PDXK: variants seen among roughly 807,000 people sequenced by gnomAD.
PDXK encodes the protein pyridoxal kinase.
In PDXK, 15 loss-of-function variants were observed where a neutral mutation model predicts 43.2. The observed-to-expected ratio is 0.35, with a 90% CI of 0.23 to 0.53. The LOEUF is 0.53. Ranked by LOEUF, PDXK falls within the 20% of genes least tolerant of loss-of-function variation. The pLI is 0.92. For missense variants in PDXK, 343 were observed against 417.0 expected (o/e 0.82, Z 1.54); for synonymous variants, 172 against 165.4 (o/e 1.04, Z -0.31).
chr21:43,719,365 C>T lies in PDXK; in HGVS notation c.71C>T (p.Ala24Val). The T allele has an allele frequency of 6.6e-7, 1 of 1,524,672 alleles. No homozygotes were observed. The highest frequency in any genetic ancestry group is 8.8e-7 in the Non-Finnish European group (1 of 1,137,140). The allele number at this position is 1,524,672 out of a possible 1,614,324, so 94.4% of individuals were successfully genotyped here. Reference protein sequence around the residue: ...VIRGYVGNRAATFPLQVLGFE... With the variant: ...VIRGYVGNRAVTFPLQVLGFE... ...CGCGGCTACGTGGGCAACCGGGCGG[C>T]CACGTTCCCGCTGCAGGTACGCATC... The change falls in exon 1 of 11, where the codon GCC (alanine) becomes GTC (valine). Residue 24 changes from alanine (A) to valine (V), a missense_variant. By Grantham distance (64) the Ala-to-Val change is moderately conservative (BLOSUM62 0). Coordinates refer to ENST00000291565, the MANE Select transcript of PDXK (RefSeq NM_003681.5).
chr21:43,740,565 C>A (rs1459617522), intron 2 of PDXK, among the ~76,000 whole-genome samples: 1 of 151,964 alleles, frequency 6.6e-6, no homozygotes, highest in East Asian at 1.9e-4. Flanking sequence ...GGATGGCTGC[C>A]CCCTGAGCAG....
Position 43,737,922 on chromosome 21 carries a change from C to T in PDXK, c.143-3745C>T. Reference sequence around the variant, plus strand: ...GGTTCTTGTGGGCTCTGGGCCCATCCCACATCCCACAGTGGGCAGGAGGCC... The same window carrying T: ...GGTTCTTGTGGGCTCTGGGCCCATCTCACATCCCACAGTGGGCAGGAGGCC... On this transcript the variant is annotated intron_variant, in intron 2 of 10. Transcript: ENST00000291565. The surrounding 1 kb of genome is among the most constrained non-coding windows in gnomAD (Gnocchi z 4.8). 1.0e-6 allele frequency: 1 copy of T among 985,512 alleles called. No individual in the cohort carries two copies. The highest frequency in any genetic ancestry group is 1.2e-6 in the Non-Finnish European group (1 of 829,958). 61.0% of individuals were successfully genotyped at this position (985,512 alleles called of 1,614,324 possible).
In PDXK at chr21:43,719,372, C is replaced by T; in HGVS notation, c.78C>T (p.Phe26=). The change falls in exon 1 of 11, where the codon TTC becomes TTT. Residue 26 remains phenylalanine (F), a synonymous_variant. Coordinates refer to ENST00000291565, the MANE Select transcript of PDXK (RefSeq NM_003681.5). ...RGYVGNRAAT[F]PLQVLGFEID... Reference sequence around the variant, plus strand: ...ACGTGGGCAACCGGGCGGCCACGTTCCCGCTGCAGGTACGCATCCGCCCGC... The same window carrying T: ...ACGTGGGCAACCGGGCGGCCACGTTTCCGCTGCAGGTACGCATCCGCCCGC... 2 of 1,523,862 alleles carry T rather than the reference C, an allele frequency of 1.3e-6. No individual in the cohort carries two copies. The highest frequency in any genetic ancestry group is 1.2e-5 in the South Asian group (1 of 81,748). 94.4% of individuals were successfully genotyped at this position (1,523,862 alleles called of 1,614,324 possible).
intron 4 of PDXK, chr21:43,745,687 C>G (rs1189175852): frequency 1.1e-5 from 2 of 189,950 alleles, no homozygotes; most frequent in African/African-American, 4.6e-5. Flanking sequence ...TTCAACTTGG[C>G]AGCTTAAAAA....
Position 43,719,260 on chromosome 21 carries a change from C to A in PDXK, c.-35C>A, listed in dbSNP as rs766015830. 1.0e-5 allele frequency: 13 copies of A among 1,301,284 alleles called. No homozygotes were observed. The highest frequency in any genetic ancestry group is 3.2e-5 in the Admixed American group (1 of 31,436). 80.6% of individuals were successfully genotyped at this position (1,301,284 alleles called of 1,614,324 possible). On this transcript the variant is annotated 5_prime_UTR_variant, in exon 1 of 11. Coordinates refer to ENST00000291565, the MANE Select transcript of PDXK (RefSeq NM_003681.5). ...GAGCGAGCGGCGGAGACCGTGCCCC[C>A]GCCTCGGCCCCGCGCCGCCGCGGCC...
chr21:43,751,208 G>T (rs958880796), intron 7 of PDXK, among the ~76,000 whole-genome samples: 2 of 152,210 alleles, frequency 1.3e-5, no homozygotes, highest in African/African-American at 4.8e-5. Context: ...ATCTTAGTCT[G>T]TTGGGGCTGC....
intron 1 of PDXK, among the ~76,000 whole-genome samples, chr21:43,725,297 C>CTG (rs2083242778): frequency 2.0e-5 from 3 of 151,958 alleles, no homozygotes; most frequent in Non-Finnish European, 2.9e-5. Flanking sequence ...CACTCCAGCA[C>CTG]GGGCGACAGA....
chr21:43,739,556 G>A (rs1052343850), intron 2 of PDXK, among the ~76,000 whole-genome samples: 1 of 147,658 alleles, frequency 6.8e-6, no homozygotes, highest in African/African-American at 2.4e-5. Context: ...TCACATTGGC[G>A]GCAGGAAGGA....
At chr21:43,721,100 C>G (rs1270989310) in intron 1 of PDXK, among the ~76,000 whole-genome samples, 1 of 152,208 alleles carries the variant, frequency 6.6e-6, no homozygotes, top group Non-Finnish European at 1.5e-5. Flanking sequence ...CATTTTGCTC[C>G]CATACCCCGA....
chr21:43,729,394 A>G (rs2083289726), intron 1 of PDXK, among the ~76,000 whole-genome samples: 1 of 152,140 alleles, frequency 6.6e-6, no homozygotes, highest in Non-Finnish European at 1.5e-5. Context: ...CTGAGCTGAG[A>G]GAGGGGAGTT....
chr21:43,743,763 A>T lies in PDXK; in HGVS notation c.287A>T (p.Asp96Val). The change falls in exon 4 of 11, where the codon GAC becomes GTC. Residue 96 changes from aspartate to valine, a missense_variant. Transcript: ENST00000291565. ...RDKSFLAMVV[D>V]IVQELKQQNP... ...AAGTCGTTCCTGGCCATGGTGGTGGACATTGTGCAGGAGCTGAAGCAGCAG... is the reference window on the plus strand; with the variant it reads ...AAGTCGTTCCTGGCCATGGTGGTGGTCATTGTGCAGGAGCTGAAGCAGCAG... The T allele has an allele frequency of 6.2e-7, 1 of 1,613,834 alleles. No individual in the cohort carries two copies. Among genetic ancestry groups the T allele is most frequent in the Non-Finnish European group, 8.5e-7 (1 of 1,179,830 alleles).
At chr21:43,751,948 C>G (rs1165091479) in intron 7 of PDXK, among the ~76,000 whole-genome samples, 5 of 152,196 alleles carry the variant, frequency 3.3e-5, no homozygotes, top group Non-Finnish European at 7.4e-5. Context: ...AACCCAGGAG[C>G]CTGGTCCTGA....
intron 1 of PDXK, among the ~76,000 whole-genome samples, chr21:43,725,444 C>T (rs2083244511): frequency 6.6e-6 from 1 of 152,132 alleles, no homozygotes; most frequent in African/African-American, 2.4e-5. Context: ...AGAATACCAC[C>T]CTGCCTTTTA....
chr21:43,756,317 C>T lies in PDXK; in HGVS notation c.*254C>T, dbSNP rs150665495. ...CAAGGCTCCTGGGCCTCCGGGAAGA[C>T]GGGCCCCTGTTTGCCATCTCGGGGG... is the stretch of plus-strand genomic sequence containing the variant. On this transcript the variant is annotated 3_prime_UTR_variant, in exon 11 of 11. Transcript: ENST00000291565. 8.3e-4 allele frequency: 293 copies of T among 352,104 alleles called. 1 individual carries two copies. The highest frequency in any genetic ancestry group is 5.7e-3 in the African/African-American group (271 of 47,282). The allele number at this position is 352,104 out of a possible 1,614,324, so 21.8% of individuals were successfully genotyped here.
chr21:43,724,549 A>C (rs1331981151), intron 1 of PDXK, among the ~76,000 whole-genome samples: 1 of 152,000 alleles, frequency 6.6e-6, no homozygotes, highest in African/African-American at 2.4e-5. Context: ...CAAATATTTA[A>C]GCATCCCCAA....
intron 1 of PDXK, among the ~76,000 whole-genome samples, chr21:43,722,373 C>A (rs1447640554): frequency 6.6e-6 from 1 of 152,204 alleles, no homozygotes; most frequent in African/African-American, 2.4e-5. Flanking sequence ...TGGGGGAGAT[C>A]CTGGGGCCCT....
rs1452232759 is a variant in PDXK, at chr21:43,734,286, A to G, written c.142+163A>G. On this transcript the variant is annotated intron_variant, in intron 2 of 10. Coordinates refer to ENST00000291565, the MANE Select transcript of PDXK (RefSeq NM_003681.5). The surrounding 1 kb of genome is among the most constrained non-coding windows in gnomAD (Gnocchi z 5.0). ...GGCGTCGCTCGGGCAGAGCCTGCAC[A>G]GCATATCAGGGTGTAGGCCTGGGTG... 2.7e-5 allele frequency among the ~76,000 whole-genome samples: 4 copies of G among 146,808 alleles called. No individual in the cohort carries two copies. The highest frequency in any genetic ancestry group is 1.5e-5 in the Non-Finnish European group (1 of 66,462).
intron 2 of PDXK, chr21:43,738,705 G>A (rs1009869621): frequency 1.3e-5 from 2 of 152,498 alleles, no homozygotes; most frequent in Non-Finnish European, 2.9e-5. Flanking sequence ...TGTCCGATAA[G>A]TTAAAGATAC....
intron 2 of PDXK, chr21:43,736,908 A>G (rs1462437022): frequency 4.3e-6 from 3 of 699,490 alleles, no homozygotes; most frequent in Non-Finnish European, 7.8e-6. Context: ...TGCTGGGATT[A>G]CAGGTGTGAG....
Sources: allele counts gnomAD v4.1 joint callset (sites outside exome capture counted in the v4.1 genomes callset), GRCh38; gene constraint gnomAD v4.1.1; non-coding constraint Gnocchi (gnomAD v3.1); transcripts MANE v1.5; gene names NCBI Gene and HGNC (gene_info 2026-07-23, HGNC 2026-07-21).